Variants in ERICH6B observed in about 807,000 individuals in gnomAD.
ERICH6B encodes glutamate rich 6B, also known as glutamate-rich protein 6B.
A neutral mutation model predicts 80.0 loss-of-function variants in ERICH6B; 69 were observed. That is an observed-to-expected ratio of 0.86 (90% confidence interval 0.71 to 1.05). The LOEUF is 1.05. Among genes scored for constraint, ERICH6B ranks in the 50% least tolerant of loss-of-function variants. The pLI, the probability that ERICH6B is intolerant of heterozygous loss-of-function variation, is 0.00. For synonymous variants in ERICH6B, 283 were observed against 291.9 expected (o/e 0.97, Z 0.31); for missense variants, 754 against 796.1 (o/e 0.95, Z 0.64).
At chr13:45,611,545 C>T (rs1026534740) in intron 1 of ERICH6B, among the ~76,000 whole-genome samples, 1 of 152,190 alleles carries the variant, frequency 6.6e-6, no homozygotes, top group African/African-American at 2.4e-5. Context: ...AAGACAGTTT[C>T]CTCAGTCAGG....
chr13:45,584,171 G>A (rs1027318939), intron 5 of ERICH6B, among the ~76,000 whole-genome samples: 5 of 152,192 alleles, frequency 3.3e-5, no homozygotes, highest in African/African-American at 1.2e-4. Context: ...TGTGAGCATG[G>A]ATGTAATGCT....
chr13:45,604,419 C>T (rs2138032695), intron 2 of ERICH6B, among the ~76,000 whole-genome samples: 1 of 152,334 alleles, frequency 6.6e-6, no homozygotes, highest in East Asian at 1.9e-4. Context: ...CTCCATCCAT[C>T]CGTCAGGGGA....
At chr13:45,590,545 C>A (rs952332218) in intron 4 of ERICH6B, 104 bp downstream of exon 4, 3 of 1,114,140 alleles carry the variant, frequency 2.7e-6, no homozygotes, top group Admixed American at 2.4e-5. Flanking sequence ...CCTTCTTCCT[C>A]CCCTACTCCA....
chr13:45,605,117 A>C (rs1949850224), intron 2 of ERICH6B, among the ~76,000 whole-genome samples: 2 of 151,962 alleles, frequency 1.3e-5, no homozygotes, highest in South Asian at 4.2e-4. Context: ...CAACTTCCTG[A>C]AGCCCCTCCT....
At chr13:45,542,885 C>T (rs543287250) in intron 14 of ERICH6B, among the ~76,000 whole-genome samples, 2 of 152,366 alleles carry the variant, frequency 1.3e-5, no homozygotes, top group African/African-American at 4.8e-5. Context: ...TCCCATGTCC[C>T]AGGAAACTCC....
chr13:45,575,015 G>C (rs1875334356), intron 7 of ERICH6B, 85 bp from the exon 8 acceptor site: 2 of 878,480 alleles, frequency 2.3e-6, no homozygotes, highest in Admixed American at 2.3e-5. Flanking sequence ...AATAGAAATA[G>C]ATTGATGGTA....
At chr13:45,559,102 G>C (rs575597350) in intron 11 of ERICH6B, among the ~76,000 whole-genome samples, 1 of 152,074 alleles carries the variant, frequency 6.6e-6, no homozygotes, top group Non-Finnish European at 1.5e-5. Flanking sequence ...GTCTGTTCAG[G>C]GTATCTAATT....
chr13:45,562,837 C>T (rs1014663530), intron 10 of ERICH6B, among the ~76,000 whole-genome samples: 1 of 152,148 alleles, frequency 6.6e-6, no homozygotes, highest in African/African-American at 2.4e-5. Flanking sequence ...GGGCCTGCAG[C>T]AGCTATTCTT....
intron 5 of ERICH6B, among the ~76,000 whole-genome samples, chr13:45,583,553 A>G (rs1347319019): frequency 6.6e-6 from 1 of 152,144 alleles, no homozygotes; most frequent in Admixed American, 6.5e-5. Context: ...CCCATCTGAT[A>G]TGGTTTGGCT....
At chr13:45,585,189 GC>G (rs1345342796) in intron 5 of ERICH6B, among the ~76,000 whole-genome samples, 2 of 152,162 alleles carry the variant, frequency 1.3e-5, no homozygotes, top group African/African-American at 4.8e-5. Context: ...TGGCTAGGTA[GC>G]TGGTTGCCTT....
intron 8 of ERICH6B, among the ~76,000 whole-genome samples, chr13:45,570,010 A>G (rs1875085000): frequency 6.6e-6 from 1 of 152,254 alleles, no homozygotes; most frequent in Admixed American, 6.5e-5. Flanking sequence ...TCCAGAAAAC[A>G]GAATGTCTGT....
intron 4 of ERICH6B, among the ~76,000 whole-genome samples, chr13:45,590,101 A>G (rs1031045203): frequency 2.0e-5 from 3 of 152,014 alleles, no homozygotes; most frequent in African/African-American, 7.3e-5. Context: ...CAAGACAAAA[A>G]GTCAAGGACA....
At chr13:45,569,727 C>A (rs912870083) in intron 8 of ERICH6B, among the ~76,000 whole-genome samples, 1 of 152,176 alleles carries the variant, frequency 6.6e-6, no homozygotes, top group Non-Finnish European at 1.5e-5. Flanking sequence ...GGGACAGATA[C>A]AAGTTTATGG....
At chr13:45,575,632 G>A (rs529630274) in intron 7 of ERICH6B, among the ~76,000 whole-genome samples, 10 of 152,254 alleles carry the variant, frequency 6.6e-5, no homozygotes, top group Admixed American at 2.6e-4. Flanking sequence ...CTAGAATTGC[G>A]TATGATTCAT....
In ERICH6B at chr13:45,580,487, A is replaced by C; in HGVS notation, c.919+116T>G. On this transcript the variant is annotated intron_variant, in intron 6 of 14. Transcript: ENST00000298738. ...GCCTCCATTAAGCCTGCTCTGTTCT[A>C]AAATGGCCAACAGCATGCTCTCCTT... The C allele has an allele frequency of 3.7e-6, 4 of 1,079,246 alleles. 1 individual carries two copies. The South Asian group carries it at 5.8e-5, about 16-fold the overall frequency. The allele number at this position is 1,079,246 out of a possible 1,614,324, so 66.9% of individuals were successfully genotyped here.
chr13:45,544,811 G>A lies in ERICH6B; in HGVS notation c.1821C>T (p.Cys607=), dbSNP rs1354812144. The A allele has an allele frequency of 6.4e-7, 1 of 1,551,608 alleles. No homozygotes were observed. Among genetic ancestry groups the A allele is most frequent in the Non-Finnish European group, 8.7e-7 (1 of 1,147,002 alleles). Residue 607 remains cysteine, a synonymous_variant, in exon 14 of 15, where the codon TGC becomes TGT. Transcript: ENST00000298738. ...AAATCTGCTTCTGTTCATAGGTGAA[G>A]CAGAAGATGATCTTATCCTGGCTCC... ...QIRSQDKIIF[C]FTYEQKQICL...
chr13:45,602,893 G>A (rs940786540), intron 2 of ERICH6B, among the ~76,000 whole-genome samples: 7 of 152,232 alleles, frequency 4.6e-5, no homozygotes, highest in Admixed American at 4.6e-4. Context: ...AACAGAACCA[G>A]TGGGATATAT....
intron 5 of ERICH6B, among the ~76,000 whole-genome samples, chr13:45,580,905 C>T (rs1484583749): frequency 1.3e-5 from 2 of 152,164 alleles, no homozygotes; most frequent in African/African-American, 2.4e-5. Context: ...AAATGTAACC[C>T]TGTTGTGGCC....
chr13:45,570,503 A>C (rs749838161), intron 8 of ERICH6B, among the ~76,000 whole-genome samples: 2 of 152,194 alleles, frequency 1.3e-5, no homozygotes, highest in Non-Finnish European at 2.9e-5. Flanking sequence ...AGAATAACTG[A>C]ACTATAGGTT....
Sources: allele counts gnomAD v4.1 joint callset (sites outside exome capture counted in the v4.1 genomes callset), GRCh38; gene constraint gnomAD v4.1.1; transcripts MANE v1.5; gene names NCBI Gene and HGNC (gene_info 2026-07-23, HGNC 2026-07-21).